Variants in COA6 observed in about 807,000 individuals in gnomAD.
The protein encoded by COA6 is cytochrome c oxidase assembly factor 6 homolog.
Under a neutral mutation model 17.1 loss-of-function variants are expected in COA6, and 12 were observed. The ratio of observed to expected loss-of-function variants is 0.70; its 90% CI spans 0.45 to 1.14. The LOEUF (loss-of-function observed/expected upper bound fraction) is 1.14, where lower values mean the gene tolerates loss of function less well. Among genes scored for constraint, COA6 ranks in the 50% most tolerant of loss-of-function variants. The probability of loss-of-function intolerance (pLI) is 0.00; values close to 1 mark genes in which losing one functional copy is unlikely to be tolerated. For missense variants in COA6, 246 were observed against 196.5 expected, an observed-to-expected ratio of 1.25 and a Z score of -1.51; for synonymous variants, 90 against 73.4, an observed-to-expected ratio of 1.23 and a Z score of -1.16.
At chr1:234,373,709 C>G in intron 1 of COA6, 31 bp downstream of exon 1, 1 of 1,613,624 alleles carries the variant, frequency 6.2e-7, no homozygotes, top group Non-Finnish European at 8.5e-7. Flanking sequence ...GGGTGGGGCG[C>G]GCGTGGACTA....
At chr1:234,375,582 C>T (rs1168063334) in intron 2 of COA6, among the ~76,000 whole-genome samples, 1 of 152,192 alleles carries the variant, frequency 6.6e-6, no homozygotes, top group Non-Finnish European at 1.5e-5. Flanking sequence ...TACAAGAAGG[C>T]TGTGATGCAG....
chr1:234,375,059 G>A (rs1385970058), intron 2 of COA6, among the ~76,000 whole-genome samples: 1 of 151,830 alleles, frequency 6.6e-6, no homozygotes, highest in Non-Finnish European at 1.5e-5. Context: ...GGAGGCTGAG[G>A]CGGGCAGATC....
intron 2 of COA6, among the ~76,000 whole-genome samples, chr1:234,376,195 CT>C (rs1658786478): frequency 6.6e-6 from 1 of 152,198 alleles, no homozygotes. Flanking sequence ...TTCGATCCCA[CT>C]TTTATCCTCT....
intron 2 of COA6, 50 bp from the exon 3 acceptor site, chr1:234,383,673 T>C (rs369788101): frequency 2.3e-5 from 18 of 775,022 alleles, no homozygotes; most frequent in Admixed American, 1.3e-4. Context: ...CTTTTGCTTA[T>C]CTAAGCTGCA....
intron 2 of COA6, among the ~76,000 whole-genome samples, chr1:234,378,580 C>A (rs1658874898): frequency 1.3e-5 from 2 of 152,150 alleles, no homozygotes; most frequent in Non-Finnish European, 2.9e-5. Flanking sequence ...CAGCCAGAAA[C>A]CTGCACTGAT....
Position 234,374,329 on chromosome 1 carries a change from G to C in COA6, c.312G>C (p.Glu104Asp), listed in dbSNP as rs1658721818. ...EYWKCLDENL[E>D]DASQCKKLRS... ...GGAAGTGTTTAGATGAGAACTTAGAGGATGCTTCTCAATGCAAGAAGTTAA... is the reference window on the plus strand; with the variant it reads ...GGAAGTGTTTAGATGAGAACTTAGACGATGCTTCTCAATGCAAGAAGTTAA... Residue 104 changes from glutamate to aspartate, a missense_variant, in exon 2 of 3, where the codon GAG (glutamate) becomes GAC (aspartate). By Grantham distance (45) the Glu-to-Asp change is conservative. Transcript: ENST00000366615. The C allele has an allele frequency of 6.2e-7, 1 of 1,614,072 alleles. No individual in the cohort carries two copies.
intron 2 of COA6, among the ~76,000 whole-genome samples, chr1:234,383,413 AT>A (rs1180513992): frequency 2.6e-5 from 4 of 152,024 alleles, no homozygotes; most frequent in South Asian, 2.1e-4. Context: ...GACAGATAGC[AT>A]TAGGAGGTAT....
Position 234,377,272 on chromosome 1 carries a change from G to A in COA6, c.372+2883G>A, listed in dbSNP as rs549439890. Among the ~76,000 whole-genome samples the A allele has an allele frequency of 5.1e-3, 775 of 151,818 alleles. 2 individuals carry two copies. The highest frequency in any genetic ancestry group is 0.017 in the African/African-American group (685 of 41,328). On this transcript the variant is annotated intron_variant, in intron 2 of 2. Transcript: ENST00000366615. ...CTCCTGAGTAGCTGGGATTACAAGC[G>A]CCCGCCACCACACCCAGTTACTTTT...
chr1:234,377,197 G>GC (rs1186135220), intron 2 of COA6, among the ~76,000 whole-genome samples: 1 of 150,528 alleles, frequency 6.6e-6, no homozygotes, highest in Non-Finnish European at 1.5e-5. Flanking sequence ...TGTGATCTCA[G>GC]CTCACTGCAA....
chr1:234,383,579 C>CACAA, intron 2 of COA6, 144 bp from the exon 3 acceptor site: 1 of 547,360 alleles, frequency 1.8e-6, no homozygotes, highest in South Asian at 2.6e-5. Flanking sequence ...AGCTGACACA[C>CACAA]ACACACACAC....
intron 2 of COA6, among the ~76,000 whole-genome samples, chr1:234,377,059 C>CACACAA (rs141978217): frequency 1.2e-5 from 1 of 82,640 alleles, no homozygotes; most frequent in African/African-American, 6.0e-5. Flanking sequence ...GCTGTGTTGC[C>CACACAA]GAGAGAGAGA....
chr1:234,377,868 A>T (rs1048511014), intron 2 of COA6, among the ~76,000 whole-genome samples: 1 of 152,348 alleles, frequency 6.6e-6, no homozygotes, highest in African/African-American at 2.4e-5. Context: ...GTCCAGATGC[A>T]GGCAGCATGA....
chr1:234,377,570 C>G (rs1193657943), intron 2 of COA6, among the ~76,000 whole-genome samples: 1 of 152,188 alleles, frequency 6.6e-6, no homozygotes, highest in Non-Finnish European at 1.5e-5. Context: ...GCGTGTCACC[C>G]TCGACTGAAT....
intron 1 of COA6, 118 bp from the exon 2 acceptor site, chr1:234,374,112 G>GTTTTTTTTTTTTTTTTTTT: frequency 1.2e-6 from 1 of 861,684 alleles, no homozygotes; most frequent in South Asian, 2.1e-5. Context: ...TTTTGTTTTT[G>GTTTTTTTTTTTTTTTTTTT]TTTTTTTTTT....
chr1:234,376,223 C>A (rs184716008), intron 2 of COA6, among the ~76,000 whole-genome samples: 1 of 151,908 alleles, frequency 6.6e-6, no homozygotes, highest in Non-Finnish European at 1.5e-5. Context: ...TCCTGCAACC[C>A]ACTGCTTTTT....
In COA6 at chr1:234,374,275, G is replaced by C. The variant is rs1658718890; in HGVS notation, c.258G>C (p.Gln86His). The change falls in exon 2 of 3, where the codon CAG (glutamine) becomes CAC (histidine). Residue 86 changes from glutamine to histidine, a missense_variant. By Grantham distance (24) the Gln-to-His change is conservative. Coordinates refer to ENST00000366615, the MANE Select transcript of COA6 (RefSeq NM_001206641.3). The part of the protein sequence containing the change: ...GMAAPSMKER[Q>H]VCWGARDEYW... Reference sequence around the variant, plus strand: ...CAGCCCCATCTATGAAGGAAAGACAGGTCTGCTGGGGGGCCCGGGATGAGT... The same window carrying C: ...CAGCCCCATCTATGAAGGAAAGACACGTCTGCTGGGGGGCCCGGGATGAGT... The C allele has an allele frequency of 6.2e-7, 1 of 1,613,780 alleles. No homozygotes were observed. Among genetic ancestry groups the C allele is most frequent in the Non-Finnish European group, 8.5e-7 (1 of 1,179,992 alleles).
chr1:234,378,702 G>C (rs576688248), intron 2 of COA6, among the ~76,000 whole-genome samples: 25 of 152,208 alleles, frequency 1.6e-4, no homozygotes, highest in South Asian at 1.2e-3. Flanking sequence ...GCAAAACCCA[G>C]TCTCTACTAA....
At chr1:234,379,071 A>C (rs1384338828) in intron 2 of COA6, among the ~76,000 whole-genome samples, 1 of 130,136 alleles carries the variant, frequency 7.7e-6, no homozygotes, top group African/African-American at 3.0e-5. Flanking sequence ...CAGTGGTGTG[A>C]TCTTTGCCAT....
Position 234,373,660 on chromosome 1 carries a change from G to T in COA6, c.194G>T (p.Gly65Val). 1 of 1,613,082 alleles carries T rather than the reference G, an allele frequency of 6.2e-7. No individual in the cohort carries two copies. The highest frequency in any genetic ancestry group is 8.5e-7 in the Non-Finnish European group (1 of 1,179,270). ...VSSRRHRKEA[G>V]RGRAESFIAV... ...TCCCGTCGACATCGAAAGGAAGCCG[G>T]ACGTGGGCGGGCAGAGAGGTCGGCT... Residue 65 changes from glycine (G) to valine (V), a missense_variant, in exon 1 of 3, where the codon GGA becomes GTA. Coordinates refer to ENST00000366615, the MANE Select transcript of COA6 (RefSeq NM_001206641.3).
Sources: gnomAD v4.1 joint callset for allele counts (sites outside exome capture counted in the v4.1 genomes callset) on GRCh38, gnomAD v4.1.1 for gene constraint, MANE v1.5 for transcripts, NCBI Gene and HGNC (gene_info 2026-07-23, HGNC 2026-07-21) for gene names.